TM9SF4: variants seen among roughly 807,000 people sequenced by gnomAD.
TM9SF4 encodes the protein transmembrane 9 superfamily member 4, also known as dinucleotide oxidase disulfide thiol exchanger 3 superfamily member 4.
A neutral mutation model predicts 90.4 loss-of-function variants in TM9SF4; 26 were observed. The observed-to-expected ratio is 0.29, with a 90% confidence interval of 0.21 to 0.40. TM9SF4 has a LOEUF of 0.40. TM9SF4 is among the 10% of genes least tolerant of loss of function. TM9SF4 has a pLI of 1.00. For missense variants in TM9SF4, 549 were observed against 834.8 expected, an observed-to-expected ratio of 0.66 and a Z score of 4.22; for synonymous variants, 293 against 315.4, an observed-to-expected ratio of 0.93 and a Z score of 0.75.
intron 3 of TM9SF4, among the ~76,000 whole-genome samples, chr20:32,139,066 G>A (rs2046634167): frequency 6.6e-6 from 1 of 152,228 alleles, no homozygotes; most frequent in South Asian, 2.1e-4. Context: ...GGGTGGAGGG[G>A]TGAGGCCTTC....
chr20:32,155,544 C>T (rs2046906924), intron 13 of TM9SF4, among the ~76,000 whole-genome samples: 1 of 152,224 alleles, frequency 6.6e-6, no homozygotes, highest in South Asian at 2.1e-4. Context: ...GCCTGTCCTC[C>T]TCAGTGTCCC....
rs1250255020 is a variant in TM9SF4 at position 32,141,606 on chromosome 20, G to T, written c.339G>T (p.Leu113=). 33 of 1,614,078 alleles carry T rather than the reference G, an allele frequency of 2.0e-5. No homozygotes were observed. The highest frequency in any genetic ancestry group is 5.3e-5 in the African/African-American group (4 of 74,914). ...LCSQSNKPVT[L]TVEQSRLVAE... The stretch of plus-strand genomic sequence containing the variant: ...GCCAGTCCAACAAGCCAGTGACCCT[G>T]ACAGTGGAGCAGAGCCGACTCGTGG... The change falls in exon 4 of 18, where the codon CTG becomes CTT. Residue 113 remains leucine (L), a synonymous_variant. Transcript: ENST00000398022.
rs1256784685 is a variant in TM9SF4, at chr20:32,143,229, C to A, written c.652+124C>A. On this transcript the variant is annotated intron_variant, in intron 6 of 17. Transcript: ENST00000398022. ...GCTCGGGTGTGGCGTGTGGGCCCAG[C>A]CAAGGTAGGATCATGGTATTCTCAT... 6 of 1,214,940 alleles carry A rather than the reference C, an allele frequency of 4.9e-6. No homozygotes were observed. The East Asian group carries it at 1.3e-4, about 27-fold the overall frequency. 75.3% of individuals were successfully genotyped at this position (1,214,940 alleles called of 1,614,324 possible). A position where few individuals can be genotyped will look rare whatever the true frequency, so the allele number is the denominator to read the frequency against.
chr20:32,158,529 C>A lies in TM9SF4; in HGVS notation c.1569+15C>A. ...TCATCTTCAGTGTGAGTACTGGTGC[C>A]TCCCCCACCCCTCCACCCATGCTAG... On this transcript the variant is annotated intron_variant, in intron 15 of 17. Coordinates refer to ENST00000398022, the MANE Select transcript of TM9SF4 (RefSeq NM_014742.4). 6.2e-7 allele frequency: 1 copy of A among 1,613,734 alleles called. No individual in the cohort carries two copies. The highest frequency in any genetic ancestry group is 1.1e-5 in the South Asian group (1 of 91,062).
In TM9SF4 at chr20:32,133,127, G is replaced by A. The variant is rs2046544478; in HGVS notation, c.129+1G>A. ...CCAGAACGATCCCGTAGAAATCAAG[G>A]TAAGTGTGTTCCTGGATTTTTGGAG... On this transcript the variant is annotated splice_donor_variant, in intron 2 of 17. Transcript: ENST00000398022. LOFTEE classifies it high-confidence loss of function. The A allele has an allele frequency of 6.2e-7, 1 of 1,613,996 alleles. No homozygotes were observed. The highest frequency in any genetic ancestry group is 1.3e-5 in the African/African-American group (1 of 75,028).
chr20:32,144,705 T>C (rs543812875), intron 6 of TM9SF4, among the ~76,000 whole-genome samples: 5 of 151,386 alleles, frequency 3.3e-5, no homozygotes, highest in African/African-American at 1.2e-4. Context: ...AGGCCAGGAG[T>C]TCAAGACCAG....
intron 13 of TM9SF4, among the ~76,000 whole-genome samples, chr20:32,157,004 G>C (rs545039090): frequency 6.8e-5 from 10 of 147,202 alleles, no homozygotes; most frequent in Non-Finnish European, 1.2e-4. Flanking sequence ...CTGGAGTGGA[G>C]TGGCAAGGTC....
intron 6 of TM9SF4, 140 bp downstream of exon 6, chr20:32,143,245 G>C: frequency 9.1e-7 from 1 of 1,101,248 alleles, no homozygotes; most frequent in East Asian, 2.7e-5. Flanking sequence ...TAGGATCATG[G>C]TATTCTCATT....
Position 32,131,110 on chromosome 20 carries a change from T to C in TM9SF4, c.16-1903T>C, listed in dbSNP as rs2122368390. Among the ~76,000 whole-genome samples the C allele has an allele frequency of 1.3e-5, 2 of 152,364 alleles. 1 individual carries two copies. Among genetic ancestry groups the C allele is most frequent in the South Asian group, 4.1e-4 (2 of 4,834 alleles). On this transcript the variant is annotated intron_variant, in intron 1 of 17. Coordinates refer to ENST00000398022, the MANE Select transcript of TM9SF4 (RefSeq NM_014742.4). ...ATTTACCTACTAGTCTTGTCATTTC[T>C]TTTAAAGATTTTCCTGCTCTCCTGA...
intron 3 of TM9SF4, 60 bp from the exon 4 acceptor site, chr20:32,141,437 T>A: frequency 6.3e-7 from 1 of 1,593,510 alleles, no homozygotes; most frequent in East Asian, 2.2e-5. Flanking sequence ...TCTGTGACTC[T>A]GCTGACCTCA....
intron 1 of TM9SF4, among the ~76,000 whole-genome samples, chr20:32,123,804 A>G (rs2046371221): frequency 6.8e-6 from 1 of 146,930 alleles, no homozygotes; most frequent in Non-Finnish European, 1.5e-5. Flanking sequence ...CACCAGTATC[A>G]AACACTTTGG....
intron 1 of TM9SF4, among the ~76,000 whole-genome samples, chr20:32,129,760 C>G (rs1406066498): frequency 2.0e-5 from 3 of 151,910 alleles, no homozygotes; most frequent in African/African-American, 7.3e-5. Flanking sequence ...AATTTTTGTT[C>G]TTTTAGTAGA....
chr20:32,122,538 C>T lies in TM9SF4; in HGVS notation c.16-10475C>T, dbSNP rs532461407. Among the ~76,000 whole-genome samples the T allele has an allele frequency of 7.0e-3, 1,056 of 149,978 alleles. 2 individuals are homozygous for T. Among genetic ancestry groups the T allele is most frequent in the African/African-American group, 0.023 (931 of 40,568 alleles). ...CTCACCTCCCAGACGGGGTGGCGGCCGGGCAGAGGCGCTCCTCACATCCCA... is the reference window on the plus strand; with the variant it reads ...CTCACCTCCCAGACGGGGTGGCGGCTGGGCAGAGGCGCTCCTCACATCCCA... On this transcript the variant is annotated intron_variant, in intron 1 of 17. Transcript: ENST00000398022.
chr20:32,122,933 G>A (rs1158950269), intron 1 of TM9SF4, among the ~76,000 whole-genome samples: 4 of 151,796 alleles, frequency 2.6e-5, no homozygotes, highest in African/African-American at 7.3e-5. Context: ...TCGGGAGGCC[G>A]AGGCTGGTAG....
Position 32,165,719 on chromosome 20 carries a change from AC to A in TM9SF4, c.*277del, listed in dbSNP as rs1030109236. The A allele has an allele frequency of 1.2e-5, 5 of 426,314 alleles. No individual in the cohort carries two copies. The highest frequency in any genetic ancestry group is 7.9e-5 in the African/African-American group (4 of 50,390). The allele number at this position is 426,314 out of a possible 1,614,324, so 26.4% of individuals were successfully genotyped here. A position where few individuals can be genotyped will look rare whatever the true frequency, so the allele number is the denominator to read the frequency against. On this transcript the variant is annotated 3_prime_UTR_variant, in exon 18 of 18. Coordinates refer to ENST00000398022, the MANE Select transcript of TM9SF4 (RefSeq NM_014742.4). ...AGTTCCCTCCAACAGGAACTCTCTG[AC>A]CTGTTTATTCAGGTGTATTTCTGGT...
intron 3 of TM9SF4, among the ~76,000 whole-genome samples, chr20:32,140,929 T>C (rs918336684): frequency 1.7e-4 from 26 of 151,938 alleles, no homozygotes; most frequent in African/African-American, 6.3e-4. Context: ...TAGAAGGATG[T>C]GATGCTTGGC....
chr20:32,157,416 A>G (rs550088149), intron 13 of TM9SF4, among the ~76,000 whole-genome samples: 1 of 152,330 alleles, frequency 6.6e-6, no homozygotes, highest in East Asian at 1.9e-4. Flanking sequence ...TTTTATTCTG[A>G]CAAGATTGGG....
chr20:32,114,311 G>A (rs1407368591), intron 1 of TM9SF4, among the ~76,000 whole-genome samples: 1 of 152,112 alleles, frequency 6.6e-6, no homozygotes, highest in Non-Finnish European at 1.5e-5. Context: ...CCAGTCAAAG[G>A]CACAGAAACT....
chr20:32,162,804 A>T (rs2047036428), intron 17 of TM9SF4, among the ~76,000 whole-genome samples: 1 of 152,140 alleles, frequency 6.6e-6, no homozygotes, highest in South Asian at 2.1e-4. Context: ...TCTATAGCCC[A>T]TATTAATCAT....
Sources: gnomAD v4.1 joint callset for allele counts (sites outside exome capture counted in the v4.1 genomes callset) on GRCh38, gnomAD v4.1.1 for gene constraint, MANE v1.5 for transcripts, NCBI Gene and HGNC (gene_info 2026-07-23, HGNC 2026-07-21) for gene names.